Variants in WDR49 observed in about 807,000 individuals in gnomAD.
The protein encoded by WDR49 is cilia- and flagella-associated protein 337.
A neutral mutation model predicts 119.5 loss-of-function variants in WDR49; 107 were observed. That is an observed-to-expected ratio of 0.90 (90% CI 0.77 to 1.05). The LOEUF (loss-of-function observed/expected upper bound fraction) is 1.05, where lower values mean the gene tolerates loss of function less well. WDR49 is among the 50% of genes least tolerant of loss of function. The pLI is 0.00. For synonymous variants in WDR49, 425 were observed against 418.8 expected (o/e 1.01, Z -0.18); for missense variants, 1,240 against 1,220.5 (o/e 1.02, Z -0.24).
At chr3:167,556,521 C>A (rs1712936946) in intron 9 of WDR49, among the ~76,000 whole-genome samples, 3 of 152,232 alleles carry the variant, frequency 2.0e-5, no homozygotes, top group African/African-American at 7.2e-5. Flanking sequence ...AGATTAGTAG[C>A]AGTTAAAACT....
intron 17 of WDR49, among the ~76,000 whole-genome samples, chr3:167,501,253 G>C (rs879754849): frequency 1.3e-5 from 2 of 152,174 alleles, no homozygotes; most frequent in Non-Finnish European, 2.9e-5. Flanking sequence ...GTAAGGTATC[G>C]TGCCATTAAG....
chr3:167,563,232 T>C (rs980663309), intron 8 of WDR49, among the ~76,000 whole-genome samples: 1 of 151,528 alleles, frequency 6.6e-6, no homozygotes, highest in Non-Finnish European at 1.5e-5. Context: ...CGGGTGCCTG[T>C]AGTCCCAGCT....
chr3:167,505,605 G>A (rs537403778), intron 16 of WDR49, among the ~76,000 whole-genome samples, 189 bp from the exon 17 acceptor site: 1 of 152,208 alleles, frequency 6.6e-6, no homozygotes, highest in Admixed American at 6.5e-5. Flanking sequence ...TGCTAGCCAG[G>A]TGATAATAGA....
At chr3:167,530,537 T>A (rs1462639601) in intron 13 of WDR49, among the ~76,000 whole-genome samples, 1 of 151,814 alleles carries the variant, frequency 6.6e-6, no homozygotes, top group Non-Finnish European at 1.5e-5. Flanking sequence ...TCAATGTTAG[T>A]ATACATCTCT....
chr3:167,615,116 C>T (rs890723726), intron 5 of WDR49, among the ~76,000 whole-genome samples: 6 of 152,178 alleles, frequency 3.9e-5, no homozygotes, highest in Non-Finnish European at 7.3e-5. Context: ...ATCTGTATTG[C>T]TAAATCTAAG....
At chr3:167,547,219 A>G (rs1333299110) in intron 10 of WDR49, among the ~76,000 whole-genome samples, 5 of 151,898 alleles carry the variant, frequency 3.3e-5, no homozygotes, top group African/African-American at 7.2e-5. Context: ...CTTGTGATAT[A>G]TAAGTTTTAT....
intron 18 of WDR49, 67 bp downstream of exon 18, chr3:167,500,086 C>G: frequency 1.4e-6 from 2 of 1,448,770 alleles, no homozygotes; most frequent in Non-Finnish European, 1.8e-6. Context: ...TGCTCTTCTA[C>G]TCTATTTTTA....
chr3:167,538,179 C>G (rs1240508479), intron 10 of WDR49, among the ~76,000 whole-genome samples: 3 of 152,076 alleles, frequency 2.0e-5, no homozygotes, highest in Non-Finnish European at 4.4e-5. Flanking sequence ...CTTAAATTCT[C>G]TTCATTCATA....
chr3:167,646,893 C>T (rs1022503569), intron 2 of WDR49, among the ~76,000 whole-genome samples: 1 of 152,040 alleles, frequency 6.6e-6, no homozygotes, highest in Non-Finnish European at 1.5e-5. Context: ...GGAGAAAAGA[C>T]CCCAAGGGGC....
chr3:167,484,893 C>T lies in WDR49; in HGVS notation c.3032-5897G>A, dbSNP rs143044394. The stretch of plus-strand genomic sequence containing the variant: ...ATTCTACTATAAAGACATATGCACA[C>T]GTATGTTTATTGCTGCACTGTTCAC... On this transcript the variant is annotated intron_variant, in intron 18 of 18. Transcript: ENST00000682715. Among the ~76,000 whole-genome samples, 47 of 152,112 alleles carry T rather than the reference C, an allele frequency of 3.1e-4. No individual in the cohort carries two copies. The East Asian group carries it at 5.2e-3, about 17-fold the overall frequency.
chr3:167,648,258 T>C (rs1202570882), intron 2 of WDR49, among the ~76,000 whole-genome samples: 1 of 152,242 alleles, frequency 6.6e-6, no homozygotes, highest in African/African-American at 2.4e-5. Context: ...AAAATCTTAC[T>C]ATACTTGAAA....
At chr3:167,537,055 A>T in intron 10 of WDR49, 55 bp from the exon 11 acceptor site, 1 of 1,488,906 alleles carries the variant, frequency 6.7e-7, no homozygotes, top group East Asian at 2.6e-5. Context: ...GTAGACATTG[A>T]GTAGCCACTA....
At chr3:167,654,196 T>C (rs1262571338), upstream of WDR49, among the ~76,000 whole-genome samples, 2 of 152,196 alleles carry the variant, frequency 1.3e-5, no homozygotes, top group African/African-American at 4.8e-5. Flanking sequence ...ATATATATTA[T>C]GAAACTATAT....
At chr3:167,625,145 A>G (rs554256498) in intron 3 of WDR49, among the ~76,000 whole-genome samples, 162 of 152,206 alleles carry the variant, frequency 1.1e-3, no homozygotes, top group African/African-American at 3.7e-3. Context: ...TCCCACTAAA[A>G]ATAACTTGCC....
At chr3:167,540,148 G>A (rs1309306823) in intron 10 of WDR49, among the ~76,000 whole-genome samples, 1 of 152,178 alleles carries the variant, frequency 6.6e-6, no homozygotes, top group African/African-American at 2.4e-5. Context: ...GAAAACAACA[G>A]CTAATCCCAC....
intron 16 of WDR49, among the ~76,000 whole-genome samples, chr3:167,514,201 A>C (rs996776560): frequency 2.0e-5 from 3 of 152,182 alleles, no homozygotes; most frequent in Admixed American, 6.5e-5. Context: ...TTGATCACAT[A>C]ATTGGAAGTA....
rs185080397 is a variant in WDR49, at chr3:167,530,316, G to A, written c.2218+799C>T. On this transcript the variant is annotated intron_variant, in intron 13 of 18. Transcript: ENST00000682715. The stretch of plus-strand genomic sequence containing the variant: ...AATACATATATGTCTAGTTCCTAAT[G>A]TTAAGAAAAATATACCCTGAAGATA... 1.0e-3 allele frequency among the ~76,000 whole-genome samples: 152 copies of A among 151,930 alleles called. No individual in the cohort carries two copies. In the Middle Eastern group the frequency reaches 0.014, roughly 14 times the overall value.
chr3:167,568,610 C>A (rs1032439215), intron 8 of WDR49, among the ~76,000 whole-genome samples: 1 of 152,168 alleles, frequency 6.6e-6, no homozygotes, highest in Non-Finnish European at 1.5e-5. Context: ...CAGACCTCAA[C>A]CTATGGTACA....
rs1474922866 is a variant in WDR49 at position 167,527,844 on chromosome 3, A to T, written c.2580T>A (p.Asn860Lys). The T allele has an allele frequency of 6.2e-7, 1 of 1,612,954 alleles. No homozygotes were observed. The highest frequency in any genetic ancestry group is 8.5e-7 in the Non-Finnish European group (1 of 1,179,364). Residue 860 changes from asparagine (N) to lysine (K), a missense_variant, in exon 15 of 19, where the codon AAT becomes AAA. Physicochemically the swap from Asn to Lys is moderately conservative, Grantham distance 94. Coordinates refer to ENST00000682715, the MANE Select transcript of WDR49 (RefSeq NM_001366157.1). The stretch of plus-strand genomic sequence containing the variant: ...CCTGACCAAAGATCCAAACAGGAGC[A>T]TTGCAGACACCAGTCACACAAATAC... ...DCSICVTGVC[N>K]APVWIFGQAK... is the part of the protein sequence containing the mutation.
Sources: gnomAD v4.1 joint callset for allele counts (sites outside exome capture counted in the v4.1 genomes callset) on GRCh38, gnomAD v4.1.1 for gene constraint, MANE v1.5 for transcripts, NCBI Gene and HGNC (gene_info 2026-07-23, HGNC 2026-07-21) for gene names.